Variants in PITPNM2 observed in about 807,000 individuals in gnomAD.
The protein encoded by PITPNM2 is membrane-associated phosphatidylinositol transfer protein 2.
In PITPNM2, 35 loss-of-function variants were observed where a neutral mutation model predicts 132.2. The ratio of observed to expected loss-of-function variants is 0.26; its 90% CI spans 0.20 to 0.35. The LOEUF (loss-of-function observed/expected upper bound fraction) is 0.35. Among genes scored for constraint, PITPNM2 ranks in the 10% least tolerant of loss-of-function variants. The pLI is 1.00. For synonymous variants in PITPNM2, 738 were observed against 799.2 expected, an observed-to-expected ratio of 0.92 and a Z score of 1.29; for missense variants, 1,332 against 1,912.0, an observed-to-expected ratio of 0.70 and a Z score of 5.66.
At chr12:123,014,533 G>A (rs2039347295) in intron 3 of PITPNM2, among the ~76,000 whole-genome samples, 2 of 152,216 alleles carry the variant, frequency 1.3e-5, no homozygotes, top group Non-Finnish European at 1.5e-5. Context: ...GTGAAACCTT[G>A]TCTCTACTAA....
rs973516445 is a variant in PITPNM2, at chr12:123,106,048, C to T, written c.-96+4337G>A. On this transcript the variant is annotated intron_variant, in intron 2 of 25. Transcript: ENST00000320201. This position sits in a 1 kb window ranked among gnomAD's most constrained non-coding sequence, Gnocchi z 4.4. ...TCCCCCTGCAAGCATGGTATGCCTG[C>T]GCAAACCTCAACAAGTGACCAAAAG... 6.6e-6 allele frequency among the ~76,000 whole-genome samples: 1 copy of T among 152,164 alleles called. No individual in the cohort carries two copies. Among genetic ancestry groups the T allele is most frequent in the Non-Finnish European group, 1.5e-5 (1 of 68,032 alleles).
chr12:122,987,909 G>C lies in PITPNM2; in HGVS notation c.2998-8C>G. On this transcript the variant is annotated splice_polypyrimidine_tract_variant and splice_region_variant and intron_variant, in intron 20 of 25. Coordinates refer to ENST00000320201, the MANE Select transcript of PITPNM2 (RefSeq NM_020845.3). The stretch of plus-strand genomic sequence containing the variant: ...GTGGTTGGCCGTCACGTTCTGTGGA[G>C]GGAGTGGCAAGCCCAGGTCAGGGGG... 1 of 1,606,300 alleles carries C rather than the reference G, an allele frequency of 6.2e-7. No homozygotes were observed. Among genetic ancestry groups the C allele is most frequent in the Non-Finnish European group, 8.5e-7 (1 of 1,175,556 alleles).
rs1251658447 is a variant in PITPNM2, at chr12:123,117,107, C to G, written c.-199-6619G>C. Among the ~76,000 whole-genome samples, 1 of 152,226 alleles carries G rather than the reference C, an allele frequency of 6.6e-6. No homozygotes were observed. The highest frequency in any genetic ancestry group is 1.5e-5 in the Non-Finnish European group (1 of 68,040). The stretch of plus-strand genomic sequence containing the variant: ...GGTTTGCAGGAAGTTCTACTTCCAT[C>G]ATAAGACTCATGAAGACCTTTTGTA... On this transcript the variant is annotated intron_variant, in intron 1 of 25. Coordinates refer to ENST00000320201, the MANE Select transcript of PITPNM2 (RefSeq NM_020845.3). This position sits in a 1 kb window ranked among gnomAD's most constrained non-coding sequence, Gnocchi z 4.7.
In PITPNM2 at chr12:123,034,500, C is replaced by T. The variant is rs1257688886; in HGVS notation, c.78+13G>A. 1.9e-6 allele frequency: 3 copies of T among 1,613,312 alleles called. No homozygotes were observed. The South Asian group carries it at 3.3e-5, about 18-fold the overall frequency. On this transcript the variant is annotated intron_variant, in intron 3 of 25. Transcript: ENST00000320201. ...ACCCTCACCCCATGACCCACCCTTGCCCCACGACCCACCTGTATCATGTAC... is the reference window on the plus strand; with the variant it reads ...ACCCTCACCCCATGACCCACCCTTGTCCCACGACCCACCTGTATCATGTAC...
At chr12:123,122,733 G>A (rs574708170) in intron 1 of PITPNM2, among the ~76,000 whole-genome samples, 3 of 152,312 alleles carry the variant, frequency 2.0e-5, no homozygotes, top group Non-Finnish European at 2.9e-5. Context: ...CCCCTCAGTC[G>A]TGTGCAAGCT....
Position 122,986,184 on chromosome 12 carries a change from G to A in PITPNM2, c.3893C>T (p.Ser1298Leu), listed in dbSNP as rs1231743283. 2.6e-6 allele frequency: 4 copies of A among 1,548,612 alleles called. No individual in the cohort carries two copies. Among genetic ancestry groups the A allele is most frequent in the East Asian group, 4.8e-5 (2 of 41,590 alleles). Residue 1298 changes from serine (S) to leucine (L), a missense_variant, in exon 26 of 26, where the codon TCG becomes TTG. Physicochemically the swap from Ser to Leu is moderately radical, Grantham distance 145. Around this residue, in one of 6 missense-constraint regions of PITPNM2, gnomAD observed 163 missense variants for 177.2 expected, o/e 0.92. Transcript: ENST00000320201. ...RSRNHLLRTI[S>L]AQPSGPSHRH... ...GTGGCTGGGCCCGCTGGGCTGGGCC[G>A]AGATGGTGCGAAGCAGGTGGTTCCG...
chr12:123,124,034 T>C (rs2043085449), intron 1 of PITPNM2, among the ~76,000 whole-genome samples: 1 of 151,720 alleles, frequency 6.6e-6, no homozygotes, highest in African/African-American at 2.4e-5. Flanking sequence ...CGCGGGCAGA[T>C]CATGAGGTTA....
intron 1 of PITPNM2, among the ~76,000 whole-genome samples, chr12:123,146,128 G>T (rs570597673): frequency 6.6e-6 from 1 of 152,074 alleles, no homozygotes; most frequent in Admixed American, 6.6e-5. Context: ...CACATAGAGG[G>T]GGGTAACACA....
chr12:123,049,990 C>T (rs1442464908), intron 2 of PITPNM2, among the ~76,000 whole-genome samples: 1 of 152,240 alleles, frequency 6.6e-6, no homozygotes, highest in African/African-American at 2.4e-5. Flanking sequence ...TGTTCCTTAG[C>T]GCAGCTAAGA....
chr12:123,030,692 C>CAA (rs36106584), intron 3 of PITPNM2, among the ~76,000 whole-genome samples: 3 of 104,782 alleles, frequency 2.9e-5, no homozygotes, highest in Non-Finnish European at 6.0e-5. Context: ...GACTCCATCT[C>CAA]AAAAAAAAAA....
rs763155619 is a variant in PITPNM2 at position 122,986,295 on chromosome 12, G to A, written c.3782C>T (p.Ala1261Val). 6 of 1,581,808 alleles carry A rather than the reference G, an allele frequency of 3.8e-6. No homozygotes were observed. Among genetic ancestry groups the A allele is most frequent in the Admixed American group, 1.8e-5 (1 of 55,392 alleles). ...HLAQLKYSHRARPARNTATRM... is the reference protein window; with the variant it reads ...HLAQLKYSHRVRPARNTATRM... ...GGTGGCCGTGTTGCGAGCGGGCCGC[G>A]CCCGGTGGCTGTACTTCAGCTGCGC... The change falls in exon 26 of 26, where the codon GCG becomes GTG. Residue 1261 changes from alanine to valine, a missense_variant. Ala to Val is a moderately conservative substitution (Grantham distance 64, BLOSUM62 0). Around this residue, in one of 6 missense-constraint regions of PITPNM2, gnomAD observed 163 missense variants for 177.2 expected, o/e 0.92. Coordinates refer to ENST00000320201, the MANE Select transcript of PITPNM2 (RefSeq NM_020845.3).
In PITPNM2 at chr12:123,111,447, A is replaced by G. The variant is rs2137337332; in HGVS notation, c.-199-959T>C. On this transcript the variant is annotated intron_variant, in intron 1 of 25. Transcript: ENST00000320201. The surrounding 1 kb of genome is among the most constrained non-coding windows in gnomAD (Gnocchi z 4.1). ...CCTCAGACACCAGTCCATGCCCGCTAGGGGCAAGCACAGCCCTAACAAAGG... is the reference window on the plus strand; with the variant it reads ...CCTCAGACACCAGTCCATGCCCGCTGGGGGCAAGCACAGCCCTAACAAAGG... Among the ~76,000 whole-genome samples, 1 of 152,356 alleles carries G rather than the reference A, an allele frequency of 6.6e-6. No homozygotes were observed. The highest frequency in any genetic ancestry group is 2.1e-4 in the South Asian group (1 of 4,828).
At position 123,022,280 on chromosome 12, in the gene PITPNM2, T is replaced by G. The variant is rs1261464322; in HGVS notation, c.79-8238A>C. Among the ~76,000 whole-genome samples, 2 of 152,170 alleles carry G rather than the reference T, an allele frequency of 1.3e-5. No individual in the cohort carries two copies. Among genetic ancestry groups the G allele is most frequent in the East Asian group, 1.9e-4 (1 of 5,202 alleles). On this transcript the variant is annotated intron_variant, in intron 3 of 25. Transcript: ENST00000320201. This position sits in a 1 kb window ranked among gnomAD's most constrained non-coding sequence, Gnocchi z 4.9. ...CAGAGGAGTGCAGCTGGGTCTCAGC[T>G]GTGCCTCTGATCAGGATGCGGCTGC...
chr12:123,081,448 G>A (rs970973050), intron 2 of PITPNM2: 2 of 152,244 alleles, frequency 1.3e-5, no homozygotes, highest in Admixed American at 6.5e-5. Flanking sequence ...TGGTGGCAGA[G>A]ACCCCTGAGG....
chr12:123,132,048 T>A (rs938149093), intron 1 of PITPNM2, among the ~76,000 whole-genome samples: 3 of 152,220 alleles, frequency 2.0e-5, no homozygotes, highest in African/African-American at 7.2e-5. Context: ...CAGTGCCCGA[T>A]TCCCCCAGGA....
chr12:123,096,835 T>C (rs1031313304), intron 2 of PITPNM2, among the ~76,000 whole-genome samples: 3 of 151,992 alleles, frequency 2.0e-5, no homozygotes, highest in African/African-American at 7.3e-5. Flanking sequence ...CCCAGCAGGA[T>C]GGCAGGCTGG....
At chr12:122,996,189 G>A (rs1469023291) in intron 13 of PITPNM2, among the ~76,000 whole-genome samples, 1 of 152,196 alleles carries the variant, frequency 6.6e-6, no homozygotes, top group Non-Finnish European at 1.5e-5. Context: ...GGCTTCCTCA[G>A]CTCCCCTGCA....
At chr12:123,049,986 T>C (rs1230802929) in intron 2 of PITPNM2, among the ~76,000 whole-genome samples, 1 of 152,262 alleles carries the variant, frequency 6.6e-6, no homozygotes, top group East Asian at 1.9e-4. Flanking sequence ...TAGCTGTTCC[T>C]TAGCGCAGCT....
intron 3 of PITPNM2, among the ~76,000 whole-genome samples, chr12:123,021,985 C>T (rs1009242228): frequency 9.8e-5 from 15 of 152,318 alleles, no homozygotes; most frequent in Non-Finnish European, 1.9e-4. Flanking sequence ...CAGGATGCCA[C>T]GCCCTGGCTT....
Sources: gnomAD v4.1 joint callset for allele counts (sites outside exome capture counted in the v4.1 genomes callset) on GRCh38, gnomAD v4.1.1 for gene constraint, gnomAD v4.1.1 regional missense constraint, Gnocchi (gnomAD v3.1) non-coding constraint, MANE v1.5 for transcripts, NCBI Gene and HGNC (gene_info 2026-07-23, HGNC 2026-07-21) for gene names.